Variants in TUBB2B observed in about 807,000 individuals in gnomAD.
The protein encoded by TUBB2B is tubulin beta 2B class IIb, also known as tubulin beta-2B chain.
A neutral mutation model predicts 35.0 loss-of-function variants in TUBB2B; 5 were observed. The ratio of observed to expected loss-of-function variants is 0.14; its 90% CI spans 0.07 to 0.30. TUBB2B has a LOEUF of 0.30. TUBB2B is among the 10% of genes least tolerant of loss of function. The pLI is 1.00. For synonymous variants in TUBB2B, 166 were observed against 250.5 expected (o/e 0.66, Z 3.18); for missense variants, 63 against 601.8 (o/e 0.10, Z 9.37).
In TUBB2B at chr6:3,227,391, T is replaced by C; in HGVS notation, c.57+96A>G. ...GGCCAGGAAGGTCTGCATTTGGCGA[T>C]CCCCAGGCCTTCCCAGGACCGCGCC... On this transcript the variant is annotated intron_variant, in intron 1 of 3. Coordinates refer to ENST00000259818, the MANE Select transcript of TUBB2B (RefSeq NM_178012.5). This position sits in a 1 kb window ranked among gnomAD's most constrained non-coding sequence, Gnocchi z 7.8. 1 of 1,520,428 alleles carries C rather than the reference T, an allele frequency of 6.6e-7. No individual in the cohort carries two copies. Among genetic ancestry groups the C allele is most frequent in the South Asian group, 1.2e-5 (1 of 86,610 alleles). The allele number at this position is 1,520,428 out of a possible 1,614,324, so 94.2% of individuals were successfully genotyped here.
chr6:3,227,587 G>A lies in TUBB2B; in HGVS notation c.-44C>T. ...TCCTGGTCCGGCGGCGTCTGGGTCT[G>A]TCCGTCCTCCCCTCACACACCCACT... On this transcript the variant is annotated 5_prime_UTR_variant, in exon 1 of 4. Transcript: ENST00000259818. The surrounding 1 kb of genome is among the most constrained non-coding windows in gnomAD (Gnocchi z 7.8). 6.2e-7 allele frequency: 1 copy of A among 1,607,142 alleles called. No individual in the cohort carries two copies.
chr6:3,226,643 A>G lies in TUBB2B; in HGVS notation c.84T>C (p.His28=). 2 of 1,614,178 alleles carry G rather than the reference A, an allele frequency of 1.2e-6. No homozygotes were observed. The highest frequency in any genetic ancestry group is 1.7e-6 in the Non-Finnish European group (2 of 1,180,026). The part of the protein sequence containing the change: ...AKFWEVISDE[H]GIDPTGSYHG... ...GGTAACTGCCAGTGGGGTCAATCCC[A>G]TGCTCATCACTGATGACCTCCCAAA... The change falls in exon 2 of 4, where the codon CAT becomes CAC. Residue 28 remains histidine, a synonymous_variant. Transcript: ENST00000259818. The surrounding 1 kb of genome is among the most constrained non-coding windows in gnomAD (Gnocchi z 5.5).
At position 3,224,877 on chromosome 6, in the gene TUBB2B, G is replaced by A. The variant is rs373918739; in HGVS notation, c.1212C>T (p.Asp404=). The A allele has an allele frequency of 1.2e-5, 20 of 1,606,224 alleles. No individual in the cohort carries two copies. The highest frequency in any genetic ancestry group is 1.5e-5 in the Non-Finnish European group (18 of 1,178,420). Residue 404 remains aspartate (D), a synonymous_variant, in exon 4 of 4, where the codon GAC becomes GAT. Coordinates refer to ENST00000259818, the MANE Select transcript of TUBB2B (RefSeq NM_178012.5). ...TCTCGGCCTCGGTGAACTCCATCTCGTCCATGCCCTCGCCCGTGTACCAGT... is the reference window on the plus strand; with the variant it reads ...TCTCGGCCTCGGTGAACTCCATCTCATCCATGCCCTCGCCCGTGTACCAGT... The part of the protein sequence containing the change: ...FLHWYTGEGM[D]EMEFTEAESN...
At position 3,227,395 on chromosome 6, in the gene TUBB2B, C is replaced by A; in HGVS notation, c.57+92G>T. ...AGGAAGGTCTGCATTTGGCGATCCC[C>A]AGGCCTTCCCAGGACCGCGCCTGGG... is the stretch of plus-strand genomic sequence containing the variant. On this transcript the variant is annotated intron_variant, in intron 1 of 3. Transcript: ENST00000259818. The surrounding 1 kb of genome is among the most constrained non-coding windows in gnomAD (Gnocchi z 7.8). 6.5e-7 allele frequency: 1 copy of A among 1,539,246 alleles called. No homozygotes were observed.
At position 3,227,218 on chromosome 6, in the gene TUBB2B, G is replaced by A. The variant is rs1477150708; in HGVS notation, c.57+269C>T. Reference sequence around the variant, plus strand: ...CGCGGACACACCCTCGTCTTCTCCAGGCACGCGTGCCTGCCAAGCAGCCAG... The same window carrying A: ...CGCGGACACACCCTCGTCTTCTCCAAGCACGCGTGCCTGCCAAGCAGCCAG... On this transcript the variant is annotated intron_variant, in intron 1 of 3. Coordinates refer to ENST00000259818, the MANE Select transcript of TUBB2B (RefSeq NM_178012.5). This position sits in a 1 kb window ranked among gnomAD's most constrained non-coding sequence, Gnocchi z 7.8. Among the ~76,000 whole-genome samples, 1 of 152,072 alleles carries A rather than the reference G, an allele frequency of 6.6e-6. No homozygotes were observed. Among genetic ancestry groups the A allele is most frequent in the Non-Finnish European group, 1.5e-5 (1 of 67,982 alleles).
Position 3,226,107 on chromosome 6 carries a change from C to T in TUBB2B, c.277+52G>A, listed in dbSNP as rs376673950. The T allele has an allele frequency of 3.3e-6, 5 of 1,530,618 alleles. No individual in the cohort carries two copies. The African/African-American group carries it at 4.1e-5, about 13-fold the overall frequency. 94.8% of individuals were successfully genotyped at this position (1,530,618 alleles called of 1,614,324 possible). A position where few individuals can be genotyped will look rare whatever the true frequency, so the allele number is the denominator to read the frequency against. Reference sequence around the variant, plus strand: ...GGCAATCACACCTCTTCAGCCTCCACTGCCCAGCGTAAAATGAATCCCTCA... The same window carrying T: ...GGCAATCACACCTCTTCAGCCTCCATTGCCCAGCGTAAAATGAATCCCTCA... On this transcript the variant is annotated intron_variant, in intron 3 of 3. Transcript: ENST00000259818. This position sits in a 1 kb window ranked among gnomAD's most constrained non-coding sequence, Gnocchi z 5.5.
Position 3,224,635 on chromosome 6 carries a change from C to T in TUBB2B, c.*116G>A, listed in dbSNP as rs1000004782. The T allele has an allele frequency of 2.7e-6, 4 of 1,479,302 alleles. No homozygotes were observed. Among genetic ancestry groups the T allele is most frequent in the Admixed American group, 2.0e-5 (1 of 50,036 alleles). 91.6% of individuals were successfully genotyped at this position (1,479,302 alleles called of 1,614,324 possible). A position where few individuals can be genotyped will look rare whatever the true frequency, so the allele number is the denominator to read the frequency against. ...ACAGTGAAGAGCACCAGAGACCCAG[C>T]GCACACCTAAAGTAGACCATGCTTC... On this transcript the variant is annotated 3_prime_UTR_variant, in exon 4 of 4. Coordinates refer to ENST00000259818, the MANE Select transcript of TUBB2B (RefSeq NM_178012.5).
chr6:3,224,634 G>A lies in TUBB2B; in HGVS notation c.*117C>T. The A allele has an allele frequency of 6.8e-7, 1 of 1,477,218 alleles. No homozygotes were observed. The highest frequency in any genetic ancestry group is 9.2e-7 in the Non-Finnish European group (1 of 1,091,578). The allele number at this position is 1,477,218 out of a possible 1,614,324, so 91.5% of individuals were successfully genotyped here. A position where few individuals can be genotyped will look rare whatever the true frequency, so the allele number is the denominator to read the frequency against. Reference sequence around the variant, plus strand: ...AACAGTGAAGAGCACCAGAGACCCAGCGCACACCTAAAGTAGACCATGCTT... The same window carrying A: ...AACAGTGAAGAGCACCAGAGACCCAACGCACACCTAAAGTAGACCATGCTT... On this transcript the variant is annotated 3_prime_UTR_variant, in exon 4 of 4. Transcript: ENST00000259818.
At position 3,224,944 on chromosome 6, in the gene TUBB2B, G is replaced by C. The variant is rs1373028670; in HGVS notation, c.1145C>G (p.Ser382Cys). ...CCGGAACATGGCCGTGAACTGCTCGGAGATGCGCTTGAACAGCTCCTGGAT... is the reference window on the plus strand; with the variant it reads ...CCGGAACATGGCCGTGAACTGCTCGCAGATGCGCTTGAACAGCTCCTGGAT... ...TAIQELFKRI[S>C]EQFTAMFRRK... The change falls in exon 4 of 4, where the codon TCC becomes TGC. Residue 382 changes from serine (S) to cysteine (C), a missense_variant. Physicochemically the swap from Ser to Cys is moderately radical, Grantham distance 112. Coordinates refer to ENST00000259818, the MANE Select transcript of TUBB2B (RefSeq NM_178012.5). 6.4e-7 allele frequency: 1 copy of C among 1,563,526 alleles called. No homozygotes were observed. The highest frequency in any genetic ancestry group is 8.6e-7 in the Non-Finnish European group (1 of 1,157,404).
Position 3,227,136 on chromosome 6 carries a change from A to G in TUBB2B, c.57+351T>C, listed in dbSNP as rs1009703060. ...CGGCAGCTCGACTCCGGTTCAAGCG[A>G]GTACAATTAATCCTCCTGGTGTCCC... On this transcript the variant is annotated intron_variant, in intron 1 of 3. Coordinates refer to ENST00000259818, the MANE Select transcript of TUBB2B (RefSeq NM_178012.5). The surrounding 1 kb of genome is among the most constrained non-coding windows in gnomAD (Gnocchi z 7.8). Among the ~76,000 whole-genome samples, 11 of 152,062 alleles carry G rather than the reference A, an allele frequency of 7.2e-5. No homozygotes were observed. The highest frequency in any genetic ancestry group is 2.7e-4 in the African/African-American group (11 of 41,414).
chr6:3,226,491 G>C lies in TUBB2B; in HGVS notation c.166+70C>G. 1 of 1,409,286 alleles carries C rather than the reference G, an allele frequency of 7.1e-7. No homozygotes were observed. The highest frequency in any genetic ancestry group is 1.0e-6 in the Non-Finnish European group (1 of 993,494). The allele number at this position is 1,409,286 out of a possible 1,614,324, so 87.3% of individuals were successfully genotyped here. ...CCCTCTCCCAGGGCCACACCCCTGG[G>C]GTCCCACGCAAGGGAAAGGGGAGAA... On this transcript the variant is annotated intron_variant, in intron 2 of 3. Coordinates refer to ENST00000259818, the MANE Select transcript of TUBB2B (RefSeq NM_178012.5). The surrounding 1 kb of genome is among the most constrained non-coding windows in gnomAD (Gnocchi z 5.5).
At position 3,225,432 on chromosome 6, in the gene TUBB2B, G is replaced by T. The variant is rs774644919; in HGVS notation, c.657C>A (p.Thr219=). 1 of 1,613,370 alleles carries T rather than the reference G, an allele frequency of 6.2e-7. No individual in the cohort carries two copies. The highest frequency in any genetic ancestry group is 2.2e-5 in the East Asian group (1 of 44,820). Reference sequence around the variant, plus strand: ...GGTGGTTGAGGTCCCCGTAGGTGGGGGTGGTCAGCTTCAGGGTGCGGAAGC... The same window carrying T: ...GGTGGTTGAGGTCCCCGTAGGTGGGTGTGGTCAGCTTCAGGGTGCGGAAGC... ...DICFRTLKLT[T]PTYGDLNHLV... The change falls in exon 4 of 4, where the codon ACC becomes ACA. Residue 219 remains threonine (T), a synonymous_variant. Coordinates refer to ENST00000259818, the MANE Select transcript of TUBB2B (RefSeq NM_178012.5).
chr6:3,226,008 C>T lies in TUBB2B; in HGVS notation c.277+151G>A. ...GGCCAGGACACCAAGCTCTTAGCAG[C>T]TGAAAGGCAAACAATTTTACACTAT... On this transcript the variant is annotated intron_variant, in intron 3 of 3. Coordinates refer to ENST00000259818, the MANE Select transcript of TUBB2B (RefSeq NM_178012.5). The surrounding 1 kb of genome is among the most constrained non-coding windows in gnomAD (Gnocchi z 5.5). 7.6e-7 allele frequency: 1 copy of T among 1,319,090 alleles called. No individual in the cohort carries two copies. The highest frequency in any genetic ancestry group is 1.1e-6 in the Non-Finnish European group (1 of 941,322). The allele number at this position is 1,319,090 out of a possible 1,614,324, so 81.7% of individuals were successfully genotyped here. A position where few individuals can be genotyped will look rare whatever the true frequency, so the allele number is the denominator to read the frequency against.
rs1436219319 is a variant in TUBB2B, at chr6:3,226,586, G to T, written c.141C>A (p.Ile47=). ...HGDSDLQLER[I]NVYYNEATGN... ...CAGTGGCTTCATTGTAGTAAACATT[G>T]ATTCTCTCCAGCTGCAAATCACTGT... Residue 47 remains isoleucine, a synonymous_variant, in exon 2 of 4, where the codon ATC becomes ATA. Transcript: ENST00000259818. The surrounding 1 kb of genome is among the most constrained non-coding windows in gnomAD (Gnocchi z 5.5). 1.2e-6 allele frequency: 2 copies of T among 1,614,168 alleles called. No individual in the cohort carries two copies. Among genetic ancestry groups the T allele is most frequent in the South Asian group, 1.1e-5 (1 of 91,080 alleles).
At position 3,227,620 on chromosome 6, in the gene TUBB2B, C is replaced by T; in HGVS notation, c.-77G>A. 1 of 1,577,518 alleles carries T rather than the reference C, an allele frequency of 6.3e-7. No homozygotes were observed. On this transcript the variant is annotated 5_prime_UTR_variant, in exon 1 of 4. Transcript: ENST00000259818. The surrounding 1 kb of genome is among the most constrained non-coding windows in gnomAD (Gnocchi z 7.8). ...TCCCCTCACACACCCACTGCGGGGT[C>T]ACCGGGAAGGCGCTCGGGAACCGAC...
rs1030476831 is a variant in TUBB2B at position 3,226,387 on chromosome 6, C to T, written c.167-118G>A. On this transcript the variant is annotated intron_variant, in intron 2 of 3. Transcript: ENST00000259818. This position sits in a 1 kb window ranked among gnomAD's most constrained non-coding sequence, Gnocchi z 5.5. ...ACAAAGGGAGACCCACCATCAGGTTCTCAAAGGGCTCTGTTGGCATAAGGA... is the reference window on the plus strand; with the variant it reads ...ACAAAGGGAGACCCACCATCAGGTTTTCAAAGGGCTCTGTTGGCATAAGGA... The T allele has an allele frequency of 6.5e-6, 7 of 1,075,248 alleles. No homozygotes were observed. In the Admixed American group the frequency reaches 1.4e-4, roughly 21 times the overall value. The allele number at this position is 1,075,248 out of a possible 1,614,324, so 66.6% of individuals were successfully genotyped here.
Position 3,224,631 on chromosome 6 carries a change from C to A in TUBB2B, c.*120G>T. On this transcript the variant is annotated 3_prime_UTR_variant, in exon 4 of 4. Transcript: ENST00000259818. ...GGCAACAGTGAAGAGCACCAGAGAC[C>A]CAGCGCACACCTAAAGTAGACCATG... 1.4e-6 allele frequency: 2 copies of A among 1,457,984 alleles called. No individual in the cohort carries two copies. The highest frequency in any genetic ancestry group is 1.9e-6 in the Non-Finnish European group (2 of 1,077,158). 90.3% of individuals were successfully genotyped at this position (1,457,984 alleles called of 1,614,324 possible).
At position 3,226,924 on chromosome 6, in the gene TUBB2B, C is replaced by T. The variant is rs1757295025; in HGVS notation, c.58-255G>A. Among the ~76,000 whole-genome samples, 1 of 152,158 alleles carries T rather than the reference C, an allele frequency of 6.6e-6. No homozygotes were observed. Among genetic ancestry groups the T allele is most frequent in the African/African-American group, 2.4e-5 (1 of 41,444 alleles). ...CGAGGGGGTAAGGACCAGCCAAAGC[C>T]GGGCAGTGGCGGAGCTTGGCGCACT... On this transcript the variant is annotated intron_variant, in intron 1 of 3. Coordinates refer to ENST00000259818, the MANE Select transcript of TUBB2B (RefSeq NM_178012.5). The surrounding 1 kb of genome is among the most constrained non-coding windows in gnomAD (Gnocchi z 5.5).
rs751859856 is a variant in TUBB2B at position 3,227,465 on chromosome 6, C to T, written c.57+22G>A. 4 of 1,605,172 alleles carry T rather than the reference C, an allele frequency of 2.5e-6. No individual in the cohort carries two copies. The highest frequency in any genetic ancestry group is 3.4e-6 in the Non-Finnish European group (4 of 1,179,558). On this transcript the variant is annotated intron_variant, in intron 1 of 3. Coordinates refer to ENST00000259818, the MANE Select transcript of TUBB2B (RefSeq NM_178012.5). This position sits in a 1 kb window ranked among gnomAD's most constrained non-coding sequence, Gnocchi z 7.8. ...CCCAGGTTCGCGCCCCCATTGGACC[C>T]CCTCCGCTGCGGCGCGCCCACCTTG...
Sources: allele counts gnomAD v4.1 joint callset (sites outside exome capture counted in the v4.1 genomes callset), GRCh38; gene constraint gnomAD v4.1.1; non-coding constraint Gnocchi (gnomAD v3.1); transcripts MANE v1.5; gene names NCBI Gene and HGNC (gene_info 2026-07-23, HGNC 2026-07-21).